PGAM1: variants seen among roughly 807,000 people sequenced by gnomAD.
PGAM1 encodes the protein phosphoglycerate mutase 1, also known as BPG-dependent PGAM 1.
PGAM1 carries 21 observed loss-of-function variants against 23.5 expected under a neutral mutation model. That is an observed-to-expected ratio of 0.89 (90% CI 0.63 to 1.29). The LOEUF (loss-of-function observed/expected upper bound fraction) is 1.29. Ranked by LOEUF, PGAM1 falls within the 50% of genes most tolerant of loss-of-function variation. The pLI is 0.00. For missense variants in PGAM1, 232 were observed against 336.3 expected (o/e 0.69, Z 2.42); for synonymous variants, 109 against 128.6 (o/e 0.85, Z 1.03).
In PGAM1 at chr10:97,426,245, G is replaced by A; in HGVS notation, c.-63G>A. ...GTGCGAGCGCGCAGGCGCGGCCGAC[G>A]GGGCGGGCTGCTACTCCGGAATCTG... On this transcript the variant is annotated 5_prime_UTR_variant, in exon 1 of 4. Transcript: ENST00000334828. 1 of 1,607,724 alleles carries A rather than the reference G, an allele frequency of 6.2e-7. No individual in the cohort carries two copies. Among genetic ancestry groups the A allele is most frequent in the South Asian group, 1.1e-5 (1 of 90,786 alleles).
In PGAM1 at chr10:97,432,529, C is replaced by T. The variant is rs765941541; in HGVS notation, c.*5C>T. On this transcript the variant is annotated 3_prime_UTR_variant, in exon 4 of 4. Coordinates refer to ENST00000334828, the MANE Select transcript of PGAM1 (RefSeq NM_002629.4). ...CAGGGCAAGGCCAAGAAGTGAAGGCCGGCGGGGAGGATACTGTCCCCAGGA... is the reference window on the plus strand; with the variant it reads ...CAGGGCAAGGCCAAGAAGTGAAGGCTGGCGGGGAGGATACTGTCCCCAGGA... 58 of 1,575,552 alleles carry T rather than the reference C, an allele frequency of 3.7e-5. No homozygotes were observed. Among genetic ancestry groups the T allele is most frequent in the Middle Eastern group, 4.6e-4 (2 of 4,372 alleles).
Position 97,430,494 on chromosome 10 carries a change from G to A in PGAM1, c.255G>A (p.Trp85Ter). ...DQMWLPVVRT[W>*]RLNERHYGGL... Reference sequence around the variant, plus strand: ...TGTGGCTGCCAGTGGTGAGGACTTGGCGCCTCAATGAGCGGCACTATGGGG... The same window carrying A: ...TGTGGCTGCCAGTGGTGAGGACTTGACGCCTCAATGAGCGGCACTATGGGG... The change falls in exon 2 of 4, where the codon TGG becomes TGA. Residue 85 changes from tryptophan to a stop codon, truncating the protein, a stop_gained. Transcript: ENST00000334828. LOFTEE classifies it high-confidence loss of function. 1 of 1,602,296 alleles carries A rather than the reference G, an allele frequency of 6.2e-7. No individual in the cohort carries two copies. Among genetic ancestry groups the A allele is most frequent in the Non-Finnish European group, 8.5e-7 (1 of 1,179,590 alleles).
chr10:97,427,929 G>A (rs1393653469), intron 1 of PGAM1: 2 of 888,806 alleles, frequency 2.3e-6, no homozygotes, highest in Admixed American at 4.7e-5. Flanking sequence ...GGACAGTCTG[G>A]TAAATGTAAA....
intron 1 of PGAM1, chr10:97,427,521 C>G: frequency 9.3e-7 from 1 of 1,075,022 alleles, no homozygotes; most frequent in Non-Finnish European, 1.1e-6. Context: ...AAGGTCATAT[C>G]TGATTCCTAG....
intron 1 of PGAM1, 83 bp downstream of exon 1, chr10:97,426,529 A>G: frequency 8.9e-6 from 13 of 1,460,532 alleles, no homozygotes; most frequent in Non-Finnish European, 1.2e-5. Flanking sequence ...GCCCTCTCGG[A>G]GAGGGCCGGC....
chr10:97,430,502 A>G lies in PGAM1; in HGVS notation c.263A>G (p.Asn88Ser), dbSNP rs777819116. The G allele has an allele frequency of 1.0e-5, 16 of 1,601,644 alleles. No individual in the cohort carries two copies. Among genetic ancestry groups the G allele is most frequent in the Middle Eastern group, 2.0e-4 (1 of 4,976 alleles). Residue 88 changes from asparagine to serine, a missense_variant, in exon 2 of 4, where the codon AAT becomes AGT. By Grantham distance (46) the Asn-to-Ser change is conservative (BLOSUM62 1). This residue lies in a region of PGAM1 where 191 missense variants were observed against 241.7 expected (regional missense o/e 0.79). Transcript: ENST00000334828. ...WLPVVRTWRL[N>S]ERHYGGLTGL... Reference sequence around the variant, plus strand: ...CCAGTGGTGAGGACTTGGCGCCTCAATGAGCGGCACTATGGGGGTCTAACC... The same window carrying G: ...CCAGTGGTGAGGACTTGGCGCCTCAGTGAGCGGCACTATGGGGGTCTAACC...
At chr10:97,428,056 C>A in intron 1 of PGAM1, 1 of 603,728 alleles carries the variant, frequency 1.7e-6, no homozygotes, top group Non-Finnish European at 2.6e-6. Flanking sequence ...TTTTCTTTAG[C>A]TCTGTGGCAG....
chr10:97,426,689 C>T (rs1845413720), intron 1 of PGAM1, among the ~76,000 whole-genome samples: 1 of 152,280 alleles, frequency 6.6e-6, no homozygotes, highest in South Asian at 2.1e-4. Context: ...ACCCTTTGCG[C>T]TCCCCACGAC....
At position 97,433,019 on chromosome 10, in the gene PGAM1, C is replaced by G. The variant is rs1041471658; in HGVS notation, c.*495C>G. 10 of 159,160 alleles carry G rather than the reference C, an allele frequency of 6.3e-5. No individual in the cohort carries two copies. The highest frequency in any genetic ancestry group is 1.2e-4 in the Non-Finnish European group (9 of 72,690). The allele number at this position is 159,160 out of a possible 1,614,324, so 9.9% of individuals were successfully genotyped here. ...TGGTGATGTGACAACTGTTTCCTCC[C>G]TGACCCCAGAGGATCTGGCTCTAGG... On this transcript the variant is annotated 3_prime_UTR_variant, in exon 4 of 4. Transcript: ENST00000334828.
At position 97,431,091 on chromosome 10, in the gene PGAM1, C is replaced by T. The variant is rs1213040365; in HGVS notation, c.551C>T (p.Ala184Val). Reference protein sequence around the residue: ...QIKEGKRVLIAAHGNSLRGIV... With the variant: ...QIKEGKRVLIVAHGNSLRGIV... ...AAGGAGGGGAAACGTGTACTGATTG[C>T]AGCCCATGGCAACAGCCTCCGGGGC... The change falls in exon 3 of 4, where the codon GCA (alanine) becomes GTA (valine). Residue 184 changes from alanine (A) to valine (V), a missense_variant. By Grantham distance (64) the Ala-to-Val change is moderately conservative (BLOSUM62 0). Around this residue, in one of 3 missense-constraint regions of PGAM1, gnomAD observed 191 missense variants for 241.7 expected, o/e 0.79. Transcript: ENST00000334828. 3 of 1,614,064 alleles carry T rather than the reference C, an allele frequency of 1.9e-6. No individual in the cohort carries two copies. In the African/African-American group the frequency reaches 4.0e-5, roughly 22 times the overall value.
Position 97,432,250 on chromosome 10 carries a change from ATTTT to A in PGAM1, c.596-104_596-101del, listed in dbSNP as rs1845478391. 1.5e-4 allele frequency: 214 copies of A among 1,470,456 alleles called. No individual in the cohort carries two copies. The South Asian group carries it at 2.3e-3, about 16-fold the overall frequency. The allele number at this position is 1,470,456 out of a possible 1,614,324, so 91.1% of individuals were successfully genotyped here. ...CTATAAAGATCAGAAAGGGTGTCTTATTTTAATTTCTGTCAAAGTCCTTTATCAC... is the reference window on the plus strand; with the variant it reads ...CTATAAAGATCAGAAAGGGTGTCTTAAATTTCTGTCAAAGTCCTTTATCAC... On this transcript the variant is annotated intron_variant, in intron 3 of 3. Transcript: ENST00000334828.
At chr10:97,429,426 T>G (rs1845445386) in intron 1 of PGAM1, among the ~76,000 whole-genome samples, 2 of 152,180 alleles carry the variant, frequency 1.3e-5, no homozygotes, top group South Asian at 4.1e-4. Context: ...TTGGAACCTA[T>G]TCATTGGGCC....
At chr10:97,427,685 G>T in intron 1 of PGAM1, 2 of 1,221,804 alleles carry the variant, frequency 1.6e-6, no homozygotes, top group Non-Finnish European at 2.1e-6. Flanking sequence ...TCTTTGTGGT[G>T]TTGGAATGCT....
chr10:97,431,106 G>A lies in PGAM1; in HGVS notation c.566G>A (p.Ser189Asn). Reference sequence around the variant, plus strand: ...GTACTGATTGCAGCCCATGGCAACAGCCTCCGGGGCATTGTCAAGCATCTG... The same window carrying A: ...GTACTGATTGCAGCCCATGGCAACAACCTCCGGGGCATTGTCAAGCATCTG... Reference protein sequence around the residue: ...KRVLIAAHGNSLRGIVKHLEG... With the variant: ...KRVLIAAHGNNLRGIVKHLEG... The change falls in exon 3 of 4, where the codon AGC (serine) becomes AAC (asparagine). Residue 189 changes from serine to asparagine, a missense_variant. Ser to Asn is a conservative substitution (Grantham distance 46). This residue lies in a region of PGAM1 where 191 missense variants were observed against 241.7 expected (regional missense o/e 0.79). Coordinates refer to ENST00000334828, the MANE Select transcript of PGAM1 (RefSeq NM_002629.4). The A allele has an allele frequency of 6.2e-7, 1 of 1,614,188 alleles. No homozygotes were observed. The highest frequency in any genetic ancestry group is 8.5e-7 in the Non-Finnish European group (1 of 1,180,040).
At chr10:97,432,251 T>A (rs1589457305) in intron 3 of PGAM1, 104 bp from the exon 4 acceptor site, 1 of 1,482,600 alleles carries the variant, frequency 6.7e-7, no homozygotes, top group Non-Finnish European at 9.4e-7. Context: ...GGGTGTCTTA[T>A]TTTAATTTCT....
chr10:97,427,936 T>C (rs1432278418), intron 1 of PGAM1: 1 of 1,016,548 alleles, frequency 9.8e-7, no homozygotes, highest in Non-Finnish European at 1.4e-6. Context: ...CTGGTAAATG[T>C]AAACCTCTGC....
rs568783858 is a variant in PGAM1, at chr10:97,430,433, G to A, written c.194G>A (p.Arg65Gln). Residue 65 changes from arginine (R) to glutamine (Q), a missense_variant, in exon 2 of 4, where the codon CGG (arginine) becomes CAG (glutamine). Transcript: ENST00000334828. ...ACCTCAGTGCAGAAGAGAGCGATCC[G>A]GACCCTCTGGACAGTGCTAGATGCC... ...CFTSVQKRAIRTLWTVLDAID... is the reference protein window; with the variant it reads ...CFTSVQKRAIQTLWTVLDAID... 3.1e-6 allele frequency: 5 copies of A among 1,609,842 alleles called. No homozygotes were observed. The highest frequency in any genetic ancestry group is 2.2e-5 in the East Asian group (1 of 44,878).
At chr10:97,431,657 A>G (rs1187209928) in intron 3 of PGAM1, among the ~76,000 whole-genome samples, 1 of 152,164 alleles carries the variant, frequency 6.6e-6, no homozygotes, top group Admixed American at 6.6e-5. Context: ...TGCCTGTACT[A>G]TCAGCACCTT....
intron 1 of PGAM1, chr10:97,427,383 T>G: frequency 1.0e-6 from 1 of 1,004,162 alleles, no homozygotes; most frequent in Non-Finnish European, 1.2e-6. Flanking sequence ...AGATGTAACT[T>G]GAGTGAATGA....
Sources: gnomAD v4.1 joint callset for allele counts (sites outside exome capture counted in the v4.1 genomes callset) on GRCh38, gnomAD v4.1.1 for gene constraint, gnomAD v4.1.1 regional missense constraint, MANE v1.5 for transcripts, NCBI Gene and HGNC (gene_info 2026-07-23, HGNC 2026-07-21) for gene names.